Variants in CENPE observed in about 807,000 individuals in gnomAD.
The protein encoded by CENPE is centromere protein E, also known as centromere-associated protein E.
Under a neutral mutation model 336.1 loss-of-function variants are expected in CENPE, and 145 were observed. That is an observed-to-expected ratio of 0.43 (90% confidence interval 0.38 to 0.50). The LOEUF is 0.50. Among genes scored for constraint, CENPE ranks in the 20% least tolerant of loss-of-function variants. The pLI is 0.00. For synonymous variants in CENPE, 1,013 were observed against 984.8 expected, an observed-to-expected ratio of 1.03 and a Z score of -0.54; for missense variants, 2,719 against 3,023.3, an observed-to-expected ratio of 0.90 and a Z score of 2.36.
At chr4:103,194,523 T>C in intron 6 of CENPE, 80 bp downstream of exon 6, 1 of 1,462,612 alleles carries the variant, frequency 6.8e-7, no homozygotes. Flanking sequence ...CTTAAAAAAG[T>C]ATGATTTGAG....
At chr4:103,189,105 C>T (rs1270648326) in intron 8 of CENPE, among the ~76,000 whole-genome samples, 1 of 152,164 alleles carries the variant, frequency 6.6e-6, no homozygotes, top group Non-Finnish European at 1.5e-5. Context: ...AGAAGTGAAT[C>T]TCTGAATAGA....
At chr4:103,117,721 G>A (rs986518455) in intron 44 of CENPE, among the ~76,000 whole-genome samples, 5 of 149,614 alleles carry the variant, frequency 3.3e-5, no homozygotes, top group East Asian at 2.0e-4. Flanking sequence ...TTCGCCTCCC[G>A]GGTTCAAGCG....
intron 24 of CENPE, among the ~76,000 whole-genome samples, chr4:103,154,027 G>A (rs543236618): frequency 4.3e-4 from 65 of 152,184 alleles, no homozygotes; most frequent in Admixed American, 1.2e-3. Flanking sequence ...CCTAATACGT[G>A]AACTTATTGG....
chr4:103,129,191 A>G (rs567897217), intron 42 of CENPE, among the ~76,000 whole-genome samples: 5 of 152,346 alleles, frequency 3.3e-5, no homozygotes, highest in African/African-American at 1.2e-4. Context: ...GATTAGGCCT[A>G]TATCTATCAA....
intron 16 of CENPE, among the ~76,000 whole-genome samples, chr4:103,163,955 T>G (rs538827722): frequency 2.6e-4 from 39 of 152,262 alleles, no homozygotes; most frequent in African/African-American, 9.1e-4. Context: ...CAGAAATGTA[T>G]TAATTCTTAT....
At chr4:103,107,605 G>A (rs1003851356) in intron 48 of CENPE, among the ~76,000 whole-genome samples, 6 of 152,198 alleles carry the variant, frequency 3.9e-5, no homozygotes, top group Non-Finnish European at 5.9e-5. Flanking sequence ...CCGTGTTACC[G>A]TTTCTCCTGC....
intron 28 of CENPE, 86 bp downstream of exon 28, chr4:103,148,758 T>C (rs1578610725): frequency 2.4e-6 from 3 of 1,244,832 alleles, no homozygotes. Context: ...ATGAACCACA[T>C]CCTAGCTACT....
intron 8 of CENPE, among the ~76,000 whole-genome samples, chr4:103,193,429 T>C (rs528716257): frequency 3.9e-5 from 6 of 152,120 alleles, no homozygotes; most frequent in African/African-American, 1.4e-4. Context: ...AATAAACATA[T>C]TATAGATTGC....
chr4:103,142,285 A>G (rs1000830765), intron 34 of CENPE, among the ~76,000 whole-genome samples: 8 of 152,222 alleles, frequency 5.3e-5, no homozygotes, highest in African/African-American at 1.7e-4. Flanking sequence ...TTAACAGTAT[A>G]TATGTAGGCT....
chr4:103,158,983 T>G (rs1432097623), intron 22 of CENPE, 27 bp downstream of exon 22: 1 of 1,531,766 alleles, frequency 6.5e-7, no homozygotes. Context: ...CTAAGGAGCA[T>G]TTCTCAAAAT....
intron 44 of CENPE, among the ~76,000 whole-genome samples, 163 bp from the exon 45 acceptor site, chr4:103,116,852 T>C (rs1484520388): frequency 6.6e-6 from 1 of 152,150 alleles, no homozygotes; most frequent in African/African-American, 2.4e-5. Flanking sequence ...AACTAGATAT[T>C]GATATGAAGT....
chr4:103,128,406 A>G (rs1751316222), intron 42 of CENPE, among the ~76,000 whole-genome samples: 2 of 152,328 alleles, frequency 1.3e-5, no homozygotes, highest in South Asian at 4.1e-4. Context: ...TAACAGTACC[A>G]TCTATCAACT....
chr4:103,176,914 G>C lies in CENPE; in HGVS notation c.1375C>G (p.Arg459Gly). 1 of 1,566,664 alleles carries C rather than the reference G, an allele frequency of 6.4e-7. No individual in the cohort carries two copies. Among genetic ancestry groups the C allele is most frequent in the African/African-American group, 1.4e-5 (1 of 72,716 alleles). The change falls in exon 14 of 49, where the codon CGA becomes GGA. Residue 459 changes from arginine (R) to glycine (G), a missense_variant. Around this residue, in one of 5 missense-constraint regions of CENPE, gnomAD observed 2,437 missense variants for 2,513.3 expected, o/e 0.97. Coordinates refer to ENST00000265148, the MANE Select transcript of CENPE (RefSeq NM_001813.3). ...KTHKLSINLL[R>G]EIDESVCSES... is the part of the protein sequence containing the mutation. ...AAGCACTCACATTCATCAATTTCTC[G>C]TAATAAATTTATAGAAAGCTTATGT...
At chr4:103,166,520 C>G (rs537350804) in intron 16 of CENPE, among the ~76,000 whole-genome samples, 1 of 152,162 alleles carries the variant, frequency 6.6e-6, no homozygotes, top group Non-Finnish European at 1.5e-5. Flanking sequence ...ACTTTTACCT[C>G]TTTGAATATA....
intron 13 of CENPE, among the ~76,000 whole-genome samples, chr4:103,178,232 C>G (rs1168590671): frequency 6.6e-6 from 1 of 152,108 alleles, no homozygotes; most frequent in Admixed American, 6.5e-5. Context: ...GCCTCCTGAG[C>G]ACTGCCAGAG....
At chr4:103,146,916 A>C (rs1169856428) in intron 29 of CENPE, among the ~76,000 whole-genome samples, 3 of 152,194 alleles carry the variant, frequency 2.0e-5, no homozygotes, top group Non-Finnish European at 2.9e-5. Context: ...CACTCAAATC[A>C]ATAAGATTTG....
chr4:103,188,112 G>A (rs1364760985), intron 8 of CENPE, among the ~76,000 whole-genome samples: 2 of 152,046 alleles, frequency 1.3e-5, no homozygotes, highest in African/African-American at 4.8e-5. Context: ...AAATATATAT[G>A]CACCCAATAC....
chr4:103,136,553 T>C (rs1390702053), intron 39 of CENPE, among the ~76,000 whole-genome samples, 194 bp from the exon 40 acceptor site: 1 of 152,220 alleles, frequency 6.6e-6, no homozygotes, highest in Admixed American at 6.5e-5. Context: ...ATAATTATTA[T>C]GGCAATTTAA....
At chr4:103,149,646 T>C (rs1197370035) in intron 26 of CENPE, among the ~76,000 whole-genome samples, 2 of 152,178 alleles carry the variant, frequency 1.3e-5, no homozygotes, top group Non-Finnish European at 2.9e-5. Flanking sequence ...GCAGATGTAA[T>C]TGGATTAGGA....
Sources: allele counts gnomAD v4.1 joint callset (sites outside exome capture counted in the v4.1 genomes callset), GRCh38; gene constraint gnomAD v4.1.1; regional missense constraint gnomAD v4.1.1; transcripts MANE v1.5; gene names NCBI Gene and HGNC (gene_info 2026-07-23, HGNC 2026-07-21).